The following C1orf167 variants were observed in gnomAD, a reference collection of about 807,000 sequenced individuals.
C1orf167 encodes uncharacterized protein C1orf167.
Under a neutral mutation model 176.5 loss-of-function variants are expected in C1orf167, and 153 were observed. That is an observed-to-expected ratio of 0.87 (90% CI 0.76 to 0.99). The LOEUF (loss-of-function observed/expected upper bound fraction) is 0.99, where lower values mean the gene tolerates loss of function less well. Ranked by LOEUF, C1orf167 falls within the 50% of genes least tolerant of loss-of-function variation. The pLI, the probability that C1orf167 is intolerant of heterozygous loss-of-function variation, is 0.00. For missense variants in C1orf167, 1,490 were observed against 1,817.7 expected, an observed-to-expected ratio of 0.82 and a Z score of 3.28; for synonymous variants, 594 against 752.7, an observed-to-expected ratio of 0.79 and a Z score of 3.45.
chr1:11,771,661 C>T (rs1335395743), intron 7 of C1orf167, 25 bp downstream of exon 7: 50 of 1,281,954 alleles, frequency 3.9e-5, no homozygotes, highest in African/African-American at 6.1e-5. Flanking sequence ...GCTGGGAAAG[C>T]GGGGAGATGG....
chr1:11,778,999 G>A lies in C1orf167; in HGVS notation c.2570G>A (p.Gly857Glu). 7.7e-7 allele frequency: 1 copy of A among 1,303,012 alleles called. No individual in the cohort carries two copies. Among genetic ancestry groups the A allele is most frequent in the Non-Finnish European group, 1.0e-6 (1 of 988,270 alleles). 80.7% of individuals were successfully genotyped at this position (1,303,012 alleles called of 1,614,324 possible). The part of the protein sequence containing the change: ...LLWAAGQRQQ[G>E]QCLLLWQARA... ...TGGGCAGCTGGGCAGCGGCAGCAGG[G>A]GCAGTGCCTTCTGCTCTGGCAGGCA... Residue 857 changes from glycine to glutamate, a missense_variant, in exon 12 of 21, where the codon GGG becomes GAG. Coordinates refer to ENST00000688073, the MANE Select transcript of C1orf167 (RefSeq NM_001010881.2).
At chr1:11,789,199 C>G in intron 20 of C1orf167, 71 bp from the exon 21 acceptor site, 2 of 1,258,524 alleles carry the variant, frequency 1.6e-6, no homozygotes, top group Non-Finnish European at 2.1e-6. Flanking sequence ...ACAGGGGTTG[C>G]TCTAGCAGGC....
chr1:11,783,107 A>G (rs1353895611), intron 14 of C1orf167, among the ~76,000 whole-genome samples: 1 of 152,134 alleles, frequency 6.6e-6, no homozygotes, highest in Non-Finnish European at 1.5e-5. Context: ...TGTAAAACCA[A>G]GCAGAGGACA....
chr1:11,775,782 C>A (rs978628033), intron 9 of C1orf167, among the ~76,000 whole-genome samples, 172 bp downstream of exon 9: 1 of 152,176 alleles, frequency 6.6e-6, no homozygotes, highest in Non-Finnish European at 1.5e-5. Flanking sequence ...GGGCAGGCCC[C>A]AGCTGAGCCA....
chr1:11,766,314 C>G lies in C1orf167; in HGVS notation c.528C>G (p.Thr176=). ...AGTCCGGGCTGCCGGCCCCAGGCACCCCTAGCGGGGACTTCAGGCCCACTG... is the reference window on the plus strand; with the variant it reads ...AGTCCGGGCTGCCGGCCCCAGGCACGCCTAGCGGGGACTTCAGGCCCACTG... The part of the protein sequence containing the change: ...LRQSGLPAPG[T]PSGDFRPTEA... Residue 176 remains threonine, a synonymous_variant, in exon 3 of 21, where the codon ACC becomes ACG. Coordinates refer to ENST00000688073, the MANE Select transcript of C1orf167 (RefSeq NM_001010881.2). This position sits in a 1 kb window ranked among gnomAD's most constrained non-coding sequence, Gnocchi z 4.5. 7.8e-7 allele frequency: 1 copy of G among 1,288,444 alleles called. No individual in the cohort carries two copies. Among genetic ancestry groups the G allele is most frequent in the Non-Finnish European group, 1.0e-6 (1 of 988,382 alleles). The allele number at this position is 1,288,444 out of a possible 1,614,324, so 79.8% of individuals were successfully genotyped here.
intron 13 of C1orf167, among the ~76,000 whole-genome samples, chr1:11,780,681 T>C (rs536686283): frequency 5.3e-5 from 8 of 152,172 alleles, no homozygotes; most frequent in Non-Finnish European, 1.0e-4. Flanking sequence ...GAGTCACTGG[T>C]CGGAGCCCTG....
intron 20 of C1orf167, 77 bp from the exon 21 acceptor site, chr1:11,789,193 G>A (rs1023751734): frequency 1.6e-6 from 2 of 1,245,840 alleles, no homozygotes; most frequent in Admixed American, 5.5e-5. Context: ...CTGGGTACAG[G>A]GGTTGCTCTA....
rs56228938 is a variant in C1orf167 at position 11,772,904 on chromosome 1, A to ATTATTATTATTATTATTATTATT, written c.1988+656_1988+657insATTATTATTATTTTATTATTATT. Among the ~76,000 whole-genome samples, 959 of 146,448 alleles carry ATTATTATTATTATTATTATTATT rather than the reference A, an allele frequency of 6.5e-3. 8 individuals carry two copies. The highest frequency in any genetic ancestry group is 0.012 in the East Asian group (61 of 5,030). On this transcript the variant is annotated intron_variant, in intron 8 of 20. Transcript: ENST00000688073. ...CTTTTTATTATGGGGCATTATTATT[A>ATTATTATTATTATTATTATTATT]TTATTATTATTTGAGACGGAGTCTC... is the stretch of plus-strand genomic sequence containing the variant.
At chr1:11,785,361 C>T (rs1018075976) in intron 16 of C1orf167, 72 bp downstream of exon 16, 25 of 1,195,568 alleles carry the variant, frequency 2.1e-5, no homozygotes, top group South Asian at 1.4e-4. Context: ...TGCTGCTGGA[C>T]GCCCCAGCCC....
At position 11,776,594 on chromosome 1, in the gene C1orf167, G is replaced by A. The variant is rs751079793; in HGVS notation, c.2295G>A (p.Ala765=). 8.2e-6 allele frequency: 10 copies of A among 1,214,666 alleles called. No homozygotes were observed. In the East Asian group the frequency reaches 2.0e-4, roughly 24 times the overall value. 75.2% of individuals were successfully genotyped at this position (1,214,666 alleles called of 1,614,324 possible). A position where few individuals can be genotyped will look rare whatever the true frequency, so the allele number is the denominator to read the frequency against. Residue 765 remains alanine, a synonymous_variant, in exon 10 of 21, where the codon GCG becomes GCA. Transcript: ENST00000688073. The part of the protein sequence containing the change: ...DACWTLALCW[A]LLLWKMRLFQ... The stretch of plus-strand genomic sequence containing the variant: ...GCTGGACACTGGCCCTCTGCTGGGC[G>A]CTGCTGCTGTGGAAGATGCGGCTTT...
Position 11,766,406 on chromosome 1 carries a change from G to A in C1orf167, c.620G>A (p.Trp207Ter). The stretch of plus-strand genomic sequence containing the variant: ...AGATCCTGGGGTGGTCTGGGGAGCT[G>A]GAGGTCCAGGCTGGTGGGGGAACCT... The part of the protein sequence containing the change: ...GLRSWGGLGS[W>*]RSRLVGEPLT... The change falls in exon 3 of 21, where the codon TGG becomes TAG. Residue 207 changes from tryptophan to a stop codon, truncating the protein, a stop_gained. Transcript: ENST00000688073. LOFTEE classifies it high-confidence loss of function. This position sits in a 1 kb window ranked among gnomAD's most constrained non-coding sequence, Gnocchi z 4.5. The A allele has an allele frequency of 7.8e-7, 1 of 1,275,490 alleles. No individual in the cohort carries two copies. Among genetic ancestry groups the A allele is most frequent in the Middle Eastern group, 2.2e-4 (1 of 4,590 alleles). The allele number at this position is 1,275,490 out of a possible 1,614,324, so 79.0% of individuals were successfully genotyped here. A position where few individuals can be genotyped will look rare whatever the true frequency, so the allele number is the denominator to read the frequency against.
rs1214899958 is a variant in C1orf167, at chr1:11,779,118, C to T, written c.2651+38C>T. The stretch of plus-strand genomic sequence containing the variant: ...CCCCATCCGCCCGCCACTCTATGGA[C>T]TTACTGTTTCCCGGCCCCTTCTCCC... On this transcript the variant is annotated intron_variant, in intron 12 of 20. Coordinates refer to ENST00000688073, the MANE Select transcript of C1orf167 (RefSeq NM_001010881.2). The T allele has an allele frequency of 9.9e-6, 12 of 1,213,018 alleles. No individual in the cohort carries two copies. In the South Asian group the frequency reaches 1.5e-4, roughly 15 times the overall value. 75.1% of individuals were successfully genotyped at this position (1,213,018 alleles called of 1,614,324 possible).
Position 11,766,183 on chromosome 1 carries a change from C to A in C1orf167, c.397C>A (p.Pro133Thr). The A allele has an allele frequency of 7.8e-7, 1 of 1,289,808 alleles. No homozygotes were observed. The highest frequency in any genetic ancestry group is 1.0e-6 in the Non-Finnish European group (1 of 988,836). 79.9% of individuals were successfully genotyped at this position (1,289,808 alleles called of 1,614,324 possible). ...CCTGAGCATCAACGAGACCAGCAGC[C>A]CCCACCTCTGCCCAGAGCCTGGGGG... ...SNLSINETSS[P>T]HLCPEPGGSS... is the part of the protein sequence containing the mutation. The change falls in exon 3 of 21, where the codon CCC (proline) becomes ACC (threonine). Residue 133 changes from proline (P) to threonine (T), a missense_variant. Physicochemically the swap from Pro to Thr is conservative, Grantham distance 38. Coordinates refer to ENST00000688073, the MANE Select transcript of C1orf167 (RefSeq NM_001010881.2). The surrounding 1 kb of genome is among the most constrained non-coding windows in gnomAD (Gnocchi z 4.5).
intron 8 of C1orf167, 139 bp from the exon 9 acceptor site, chr1:11,775,296 C>A: frequency 1.6e-6 from 1 of 617,214 alleles, no homozygotes; most frequent in Non-Finnish European, 2.4e-6. Context: ...CTACAAACAA[C>A]AACAACAAAA....
chr1:11,770,194 T>C (rs992389622), intron 6 of C1orf167, among the ~76,000 whole-genome samples: 3 of 151,690 alleles, frequency 2.0e-5, no homozygotes, highest in African/African-American at 7.3e-5. Flanking sequence ...CCAAAATATT[T>C]TTCCCAACCA....
rs150611077 is a variant in C1orf167 at position 11,763,080 on chromosome 1, T to C, written c.-71+775T>C. On this transcript the variant is annotated intron_variant, in intron 1 of 20. Coordinates refer to ENST00000688073, the MANE Select transcript of C1orf167 (RefSeq NM_001010881.2). Reference sequence around the variant, plus strand: ...TGGAGGAGCAGCCAGGGGGCTGGTGTGTGTGGAGGACAGTGGGCAAGGGGA... The same window carrying C: ...TGGAGGAGCAGCCAGGGGGCTGGTGCGTGTGGAGGACAGTGGGCAAGGGGA... 9.3e-4 allele frequency among the ~76,000 whole-genome samples: 142 copies of C among 152,132 alleles called. No homozygotes were observed. The Middle Eastern group carries it at 0.017, about 18-fold the overall frequency.
chr1:11,770,491 G>C (rs896473479), intron 6 of C1orf167, among the ~76,000 whole-genome samples: 1 of 150,800 alleles, frequency 6.6e-6, no homozygotes. Flanking sequence ...TGTTGCCCAG[G>C]CTGGAGTGTG....
chr1:11,779,105 G>C, intron 12 of C1orf167, 25 bp downstream of exon 12: 4 of 1,227,696 alleles, frequency 3.3e-6, no homozygotes, highest in African/African-American at 1.6e-5. Context: ...CCATCCGCCC[G>C]CCACTCTATG....
intron 8 of C1orf167, among the ~76,000 whole-genome samples, chr1:11,774,641 G>C (rs144157295): frequency 1.5e-3 from 231 of 152,284 alleles, no homozygotes; most frequent in African/African-American, 5.4e-3. Context: ...AGCCGAATTG[G>C]ACCCTTGTTA....
Sources: gnomAD v4.1 joint callset for allele counts (sites outside exome capture counted in the v4.1 genomes callset) on GRCh38, gnomAD v4.1.1 for gene constraint, Gnocchi (gnomAD v3.1) non-coding constraint, MANE v1.5 for transcripts, NCBI Gene and HGNC (gene_info 2026-07-23, HGNC 2026-07-21) for gene names.